ZNF704: variants seen among roughly 807,000 people sequenced by gnomAD.
ZNF704 encodes the protein zinc finger protein 704.
Under a neutral mutation model 44.7 loss-of-function variants are expected in ZNF704, and 10 were observed. That is an observed-to-expected ratio of 0.22 (90% CI 0.14 to 0.38). The LOEUF is 0.38. Ranked by LOEUF, ZNF704 falls within the 10% of genes least tolerant of loss-of-function variation. The pLI, the probability that ZNF704 is intolerant of heterozygous loss-of-function variation, is 1.00. For synonymous variants in ZNF704, 211 were observed against 207.6 expected (o/e 1.02, Z -0.14); for missense variants, 390 against 545.5 (o/e 0.71, Z 2.84).
At chr8:80,686,630 C>A (rs1818542376) in intron 4 of ZNF704, among the ~76,000 whole-genome samples, 1 of 152,026 alleles carries the variant, frequency 6.6e-6, no homozygotes, top group Non-Finnish European at 1.5e-5. Context: ...TGGTCTCAAG[C>A]AATCTTCCTG....
At chr8:80,772,228 A>G (rs1477801568) in intron 2 of ZNF704, among the ~76,000 whole-genome samples, 1 of 152,232 alleles carries the variant, frequency 6.6e-6, no homozygotes, top group African/African-American at 2.4e-5. Context: ...CTAGTTTCAT[A>G]AAATGAATTG....
At position 80,643,149 on chromosome 8, in the gene ZNF704, G is replaced by T; in HGVS notation, c.1033-20C>A. On this transcript the variant is annotated intron_variant, in intron 7 of 8. Coordinates refer to ENST00000327835, the MANE Select transcript of ZNF704 (RefSeq NM_001033723.3). Reference sequence around the variant, plus strand: ...TGACACCTGGTGAATACATGGAAAAGAAAGTTGATGGGGCAGGTTCTCCAC... The same window carrying T: ...TGACACCTGGTGAATACATGGAAAATAAAGTTGATGGGGCAGGTTCTCCAC... The T allele has an allele frequency of 6.3e-7, 1 of 1,578,446 alleles. No individual in the cohort carries two copies. Among genetic ancestry groups the T allele is most frequent in the Non-Finnish European group, 8.6e-7 (1 of 1,157,942 alleles).
chr8:80,688,267 T>C (rs183781407), intron 3 of ZNF704, among the ~76,000 whole-genome samples: 1 of 152,290 alleles, frequency 6.6e-6, no homozygotes, highest in Admixed American at 6.5e-5. Context: ...AATACATTTA[T>C]AGGAAGTTAG....
At chr8:80,665,826 A>T (rs866624496) in intron 5 of ZNF704, among the ~76,000 whole-genome samples, 115 of 150,578 alleles carry the variant, frequency 7.6e-4, no homozygotes, top group African/African-American at 2.6e-3. Context: ...ATTTTATTTT[A>T]TTTTATTTTT....
At chr8:80,808,641 C>T (rs187751077) in intron 2 of ZNF704, among the ~76,000 whole-genome samples, 3 of 152,204 alleles carry the variant, frequency 2.0e-5, no homozygotes, top group African/African-American at 7.2e-5. Context: ...TTCTATGCTC[C>T]TCATGGTCCC....
In ZNF704 at chr8:80,676,895, T is replaced by TA. The variant is rs1340028280; in HGVS notation, c.559-6293dup. 3.3e-5 allele frequency among the ~76,000 whole-genome samples: 5 copies of TA among 152,312 alleles called. No individual in the cohort carries two copies. The South Asian group carries it at 1.0e-3, about 32-fold the overall frequency. On this transcript the variant is annotated intron_variant, in intron 4 of 8. Transcript: ENST00000327835. ...CCTGCAGGAGGCGGAGCACAGGCGG[T>TA]AATGCTCGCTTGCCTCCTGCTGTGT... is the stretch of plus-strand genomic sequence containing the variant.
At chr8:80,771,847 T>G (rs1807325705) in intron 2 of ZNF704, among the ~76,000 whole-genome samples, 3 of 152,208 alleles carry the variant, frequency 2.0e-5, no homozygotes, top group Non-Finnish European at 1.5e-5. Flanking sequence ...TTATCAGGTT[T>G]AGGAAGTTCC....
chr8:80,739,546 T>C (rs1806721039), intron 2 of ZNF704, among the ~76,000 whole-genome samples: 1 of 152,188 alleles, frequency 6.6e-6, no homozygotes, highest in Non-Finnish European at 1.5e-5. Flanking sequence ...CCAACTATAT[T>C]GAAAAACATT....
intron 6 of ZNF704, among the ~76,000 whole-genome samples, chr8:80,662,995 A>T (rs1818124537): frequency 6.6e-6 from 1 of 152,232 alleles, no homozygotes. Context: ...AGGAGATTTT[A>T]AAAAGTTGAA....
At position 80,687,280 on chromosome 8, in the gene ZNF704, G is replaced by A. The variant is rs1261243353; in HGVS notation, c.504C>T (p.Asp168=). 3 of 1,613,160 alleles carry A rather than the reference G, an allele frequency of 1.9e-6. No homozygotes were observed. Among genetic ancestry groups the A allele is most frequent in the East Asian group, 2.2e-5 (1 of 44,876 alleles). ...AGAGCAGGTTGCTGGCCTCCGCCTC[G>A]TCGATGCCGTCGTCTGGCTGCGCGG... ...RSPAQPDDGI[D]EAEASNLLFD... is the part of the protein sequence containing the mutation. Residue 168 remains aspartate (D), a synonymous_variant, in exon 4 of 9, where the codon GAC becomes GAT. Transcript: ENST00000327835.
chr8:80,835,124 A>C (rs868323214), intron 1 of ZNF704, among the ~76,000 whole-genome samples: 8 of 152,222 alleles, frequency 5.3e-5, no homozygotes, highest in South Asian at 2.1e-4. Context: ...CTGCTTGGCT[A>C]AAGTTTCAAG....
At chr8:80,821,932 A>T (rs1311742531) in intron 1 of ZNF704, among the ~76,000 whole-genome samples, 1 of 152,164 alleles carries the variant, frequency 6.6e-6, no homozygotes, top group African/African-American at 2.4e-5. Context: ...TTTATCCCCC[A>T]CAACTAAGAA....
chr8:80,644,937 T>G (rs1817803342), intron 7 of ZNF704: 1 of 1,078,230 alleles, frequency 9.3e-7, no homozygotes. Context: ...CCAGCTTCAT[T>G]TCTTTGTTTT....
chr8:80,846,062 G>T (rs528016098), intron 1 of ZNF704, among the ~76,000 whole-genome samples: 1 of 151,982 alleles, frequency 6.6e-6, no homozygotes, highest in Non-Finnish European at 1.5e-5. Context: ...TTTGAAGAAC[G>T]AATCACTCAA....
intron 2 of ZNF704, among the ~76,000 whole-genome samples, chr8:80,791,389 C>A (rs1440762625): frequency 6.6e-6 from 1 of 152,170 alleles, no homozygotes; most frequent in Non-Finnish European, 1.5e-5. Context: ...ATTCCCATCT[C>A]TAATCAAAGT....
intron 2 of ZNF704, among the ~76,000 whole-genome samples, chr8:80,708,169 G>A (rs1031219077): frequency 6.6e-5 from 10 of 152,038 alleles, no homozygotes; most frequent in East Asian, 1.9e-4. Context: ...AAATTTGTTC[G>A]TAATAGATCT....
chr8:80,787,202 A>C (rs1005951009), intron 2 of ZNF704, among the ~76,000 whole-genome samples: 7 of 152,242 alleles, frequency 4.6e-5, no homozygotes, highest in African/African-American at 9.6e-5. Context: ...CCATCCAAGG[A>C]AATCAGGCAA....
chr8:80,727,315 GTTGTT>G (rs568546163), intron 2 of ZNF704, among the ~76,000 whole-genome samples: 80 of 152,274 alleles, frequency 5.3e-4, no homozygotes, highest in Non-Finnish European at 9.9e-4. Flanking sequence ...AGATCAAGTT[GTTGTT>G]TTAAGTGGAA....
At chr8:80,667,218 G>C (rs1360367818) in intron 5 of ZNF704, among the ~76,000 whole-genome samples, 1 of 152,306 alleles carries the variant, frequency 6.6e-6, no homozygotes, top group Non-Finnish European at 1.5e-5. Context: ...CAGAGGCAAG[G>C]TCATCCAGGG....
Sources: allele counts gnomAD v4.1 joint callset (sites outside exome capture counted in the v4.1 genomes callset), GRCh38; gene constraint gnomAD v4.1.1; transcripts MANE v1.5; gene names NCBI Gene and HGNC (gene_info 2026-07-23, HGNC 2026-07-21).